PCDH15: variants seen among roughly 807,000 people sequenced by gnomAD.
The protein encoded by PCDH15 is protocadherin-15.
Under a neutral mutation model 178.5 loss-of-function variants are expected in PCDH15, and 129 were observed. That is an observed-to-expected ratio of 0.72 (90% confidence interval 0.63 to 0.84). PCDH15 has a LOEUF of 0.84. PCDH15 is among the 40% of genes least tolerant of loss of function. PCDH15 has a pLI of 0.00. For missense variants in PCDH15, 2,230 were observed against 2,099.9 expected (o/e 1.06, Z -1.21); for synonymous variants, 800 against 732.0 (o/e 1.09, Z -1.50).
At chr10:55,140,126 C>T (rs1239534881) in intron 2 of PCDH15, among the ~76,000 whole-genome samples, 5 of 151,822 alleles carry the variant, frequency 3.3e-5, no homozygotes, top group African/African-American at 4.8e-5. Flanking sequence ...TCTCCTGTGA[C>T]GTTACTGAAT....
At chr10:54,093,674 A>G (rs1434386835) in intron 15 of PCDH15, among the ~76,000 whole-genome samples, 1 of 152,182 alleles carries the variant, frequency 6.6e-6, no homozygotes, top group Non-Finnish European at 1.5e-5. Context: ...TGTGTCAGAA[A>G]CTATATTAAA....
intron 2 of PCDH15, among the ~76,000 whole-genome samples, chr10:55,117,756 A>G (rs537206445): frequency 1.3e-5 from 2 of 152,344 alleles, no homozygotes; most frequent in African/African-American, 4.8e-5. Flanking sequence ...AGAACTTATG[A>G]GAAATCAACA....
At chr10:54,099,064 T>C (rs2094755110) in intron 15 of PCDH15, among the ~76,000 whole-genome samples, 3 of 152,312 alleles carry the variant, frequency 2.0e-5, no homozygotes, top group African/African-American at 7.2e-5. Flanking sequence ...TCTAACTAGT[T>C]AGATTTCTCA....
intron 18 of PCDH15, among the ~76,000 whole-genome samples, chr10:54,024,532 G>T: frequency 6.6e-6 from 1 of 152,148 alleles, no homozygotes; most frequent in East Asian, 1.9e-4. Context: ...GAATGTCTAA[G>T]ATGTGAAAAT....
At chr10:54,401,351 G>C (rs1951908800) in intron 3 of PCDH15, among the ~76,000 whole-genome samples, 1 of 151,568 alleles carries the variant, frequency 6.6e-6, no homozygotes. Flanking sequence ...AAGTTATGCT[G>C]TTGTAGATTC....
At chr10:55,132,134 T>C (rs1309891777) in intron 2 of PCDH15, among the ~76,000 whole-genome samples, 1 of 152,126 alleles carries the variant, frequency 6.6e-6, no homozygotes, top group Non-Finnish European at 1.5e-5. Context: ...CAGCCGTGCC[T>C]CCCCTGATGC....
chr10:54,820,450 C>A (rs1054052095), intron 3 of PCDH15, among the ~76,000 whole-genome samples: 1 of 151,992 alleles, frequency 6.6e-6, no homozygotes, highest in South Asian at 2.1e-4. Flanking sequence ...TAAAGTTGTT[C>A]TCAAAGTTGA....
intron 2 of PCDH15, among the ~76,000 whole-genome samples, chr10:55,482,952 C>A (rs1840214165): frequency 6.6e-6 from 1 of 151,650 alleles, no homozygotes; most frequent in Admixed American, 6.6e-5. Flanking sequence ...CTTTCAGGTG[C>A]TGGGATGATT....
At chr10:55,178,113 A>G (rs1471998017) in intron 1 of PCDH15, among the ~76,000 whole-genome samples, 2 of 152,144 alleles carry the variant, frequency 1.3e-5, no homozygotes, top group Non-Finnish European at 2.9e-5. Context: ...CTCATAGCTA[A>G]TTGGTCTCCC....
intron 2 of PCDH15, among the ~76,000 whole-genome samples, chr10:54,930,267 C>T (rs1353275072): frequency 6.6e-6 from 1 of 152,152 alleles, no homozygotes; most frequent in East Asian, 1.9e-4. Context: ...CCTGGTACAA[C>T]CAATCTTTGA....
At chr10:54,930,005 C>G (rs754319203) in intron 2 of PCDH15, among the ~76,000 whole-genome samples, 1 of 152,090 alleles carries the variant, frequency 6.6e-6, no homozygotes, top group Non-Finnish European at 1.5e-5. Flanking sequence ...CTAAGAGCAG[C>G]CTGTAAAATT....
chr10:54,530,225 A>C (rs2132711987), intron 2 of PCDH15, among the ~76,000 whole-genome samples: 1 of 152,118 alleles, frequency 6.6e-6, no homozygotes, highest in Non-Finnish European at 1.5e-5. Flanking sequence ...TTCATACCAA[A>C]CCAAATTTAT....
intron 2 of PCDH15, among the ~76,000 whole-genome samples, chr10:54,539,268 G>A (rs1329603021): frequency 6.6e-6 from 1 of 152,110 alleles, no homozygotes; most frequent in East Asian, 1.9e-4. Context: ...TAGGCTCAAA[G>A]TAAAGGGCTG....
At chr10:54,655,431 GTGTGTGT>G (rs1565867555) in intron 2 of PCDH15, 1 of 24,510 alleles carries the variant, frequency 4.1e-5, no homozygotes, top group Non-Finnish European at 9.7e-5. Flanking sequence ...GTGGTGGGGT[GTGTGTGT>G]GTGTGTGTGT....
chr10:55,060,905 C>T (rs1841412978), intron 2 of PCDH15, among the ~76,000 whole-genome samples: 1 of 151,898 alleles, frequency 6.6e-6, no homozygotes, highest in Non-Finnish European at 1.5e-5. Flanking sequence ...AGGCACAGGC[C>T]TTAGACTTTC....
intron 2 of PCDH15, among the ~76,000 whole-genome samples, chr10:55,149,336 G>T (rs190174354): frequency 3.3e-5 from 5 of 151,700 alleles, no homozygotes; most frequent in Non-Finnish European, 5.9e-5. Context: ...TTTATTCAAT[G>T]AAAGCCTTAA....
At chr10:55,143,233 T>G (rs2132091196) in intron 2 of PCDH15, among the ~76,000 whole-genome samples, 1 of 152,068 alleles carries the variant, frequency 6.6e-6, no homozygotes, top group Admixed American at 6.6e-5. Context: ...ACCCATTCTC[T>G]AGTAGTCCTT....
At chr10:55,325,103 T>G (rs1053011370) in intron 2 of PCDH15, among the ~76,000 whole-genome samples, 1 of 152,110 alleles carries the variant, frequency 6.6e-6, no homozygotes, top group Non-Finnish European at 1.5e-5. Flanking sequence ...CATTCCCTAT[T>G]CATGGACAGG....
chr10:54,772,854 T>C (rs185143452), intron 1 of PCDH15, among the ~76,000 whole-genome samples: 30 of 152,160 alleles, frequency 2.0e-4, no homozygotes, highest in African/African-American at 5.5e-4. Context: ...AGCAAAGACA[T>C]TGAATCAACA....
Sources: allele counts gnomAD v4.1 joint callset (sites outside exome capture counted in the v4.1 genomes callset), GRCh38; gene constraint gnomAD v4.1.1; transcripts MANE v1.5; gene names NCBI Gene and HGNC (gene_info 2026-07-23, HGNC 2026-07-21).